CDH4: variants seen among roughly 807,000 people sequenced by gnomAD.
CDH4 encodes cadherin 4.
In CDH4, 33 loss-of-function variants were observed where a neutral mutation model predicts 86.0. The ratio of observed to expected loss-of-function variants is 0.38; its 90% CI spans 0.29 to 0.51. CDH4 has a LOEUF of 0.51. CDH4 is among the 20% of genes least tolerant of loss of function. The probability of loss-of-function intolerance (pLI) is 0.86; values close to 1 mark genes in which losing one functional copy is unlikely to be tolerated. For missense variants in CDH4, 1,114 were observed against 1,307.4 expected (o/e 0.85, Z 2.28); for synonymous variants, 555 against 549.4 (o/e 1.01, Z -0.14).
chr20:61,647,957 G>A (rs1464328341), intron 2 of CDH4, among the ~76,000 whole-genome samples: 1 of 152,208 alleles, frequency 6.6e-6, no homozygotes, highest in Non-Finnish European at 1.5e-5. Flanking sequence ...CCTGCCGAGT[G>A]AGTGGGGGAT....
chr20:61,416,177 T>C (rs2085146076), intron 2 of CDH4, among the ~76,000 whole-genome samples: 1 of 151,984 alleles, frequency 6.6e-6, no homozygotes, highest in South Asian at 2.1e-4. Context: ...AATTTTTGTA[T>C]CTTTAGTAGA....
chr20:61,547,677 A>G (rs2086098873), intron 2 of CDH4, among the ~76,000 whole-genome samples: 1 of 152,132 alleles, frequency 6.6e-6, no homozygotes, highest in Non-Finnish European at 1.5e-5. Flanking sequence ...TTGAAGTCAG[A>G]ATGTTCCCGA....
intron 4 of CDH4, among the ~76,000 whole-genome samples, chr20:61,796,692 G>GGCTC (rs1423120394): frequency 2.6e-5 from 4 of 152,328 alleles, no homozygotes; most frequent in African/African-American, 9.6e-5. Context: ...GCTGAGGTGA[G>GGCTC]GCTCCATGGT....
chr20:61,860,581 C>T (rs1018725287), intron 6 of CDH4, among the ~76,000 whole-genome samples: 1 of 152,096 alleles, frequency 6.6e-6, no homozygotes, highest in Non-Finnish European at 1.5e-5. Flanking sequence ...GTGCAGGATG[C>T]CCTGACAAGC....
intron 2 of CDH4, among the ~76,000 whole-genome samples, chr20:61,731,800 G>C (rs1459787374): frequency 6.6e-6 from 1 of 152,154 alleles, no homozygotes; most frequent in Non-Finnish European, 1.5e-5. Flanking sequence ...CACCACGGGG[G>C]TGCGGCTGTT....
intron 4 of CDH4, among the ~76,000 whole-genome samples, chr20:61,838,931 T>C (rs1982008106): frequency 6.6e-6 from 1 of 152,020 alleles, no homozygotes; most frequent in Non-Finnish European, 1.5e-5. Flanking sequence ...GTCCTGTGCC[T>C]TCGGGATGGG....
intron 2 of CDH4, among the ~76,000 whole-genome samples, chr20:61,625,473 T>C (rs780787319): frequency 1.9e-4 from 29 of 152,270 alleles, no homozygotes; most frequent in Non-Finnish European, 3.7e-4. Flanking sequence ...AAAGAGCGCA[T>C]GTGGGAGTCG....
intron 2 of CDH4, among the ~76,000 whole-genome samples, chr20:61,581,399 T>G (rs2145719140): frequency 6.6e-6 from 1 of 152,284 alleles, no homozygotes; most frequent in Non-Finnish European, 1.5e-5. Context: ...TGGAGGACCC[T>G]GGAGAATTCA....
At chr20:61,690,242 G>T (rs557728219) in intron 2 of CDH4, among the ~76,000 whole-genome samples, 1 of 152,316 alleles carries the variant, frequency 6.6e-6, no homozygotes, top group Non-Finnish European at 1.5e-5. Context: ...ATTGGGCGGG[G>T]ACAGTGGTTA....
chr20:61,544,818 C>T lies in CDH4; in HGVS notation c.170-198745C>T, dbSNP rs557367688. ...GCCCTCCCTGCCCCCGAGGAAGGAACCTTGTTCCTCGGTTATAAAACTTGA... is the reference window on the plus strand; with the variant it reads ...GCCCTCCCTGCCCCCGAGGAAGGAATCTTGTTCCTCGGTTATAAAACTTGA... On this transcript the variant is annotated intron_variant, in intron 2 of 15. Coordinates refer to ENST00000614565, the MANE Select transcript of CDH4 (RefSeq NM_001794.5). The surrounding 1 kb of genome is among the most constrained non-coding windows in gnomAD (Gnocchi z 6.5). 6.6e-6 allele frequency among the ~76,000 whole-genome samples: 1 copy of T among 152,186 alleles called. No homozygotes were observed. The highest frequency in any genetic ancestry group is 2.4e-5 in the African/African-American group (1 of 41,518).
At chr20:61,886,740 C>G (rs1984559034) in intron 7 of CDH4, among the ~76,000 whole-genome samples, 1 of 152,208 alleles carries the variant, frequency 6.6e-6, no homozygotes. Flanking sequence ...AGCCCCTGAC[C>G]TCAGGGAAGT....
chr20:61,624,849 G>A (rs529756196), intron 2 of CDH4, among the ~76,000 whole-genome samples: 6 of 152,300 alleles, frequency 3.9e-5, no homozygotes, highest in East Asian at 1.9e-4. Flanking sequence ...AGACCCGCTC[G>A]GAGAGCCCCT....
At chr20:61,342,768 T>G (rs2084655743) in intron 2 of CDH4, among the ~76,000 whole-genome samples, 1 of 152,238 alleles carries the variant, frequency 6.6e-6, no homozygotes, top group South Asian at 2.1e-4. Context: ...TCTGGAGATT[T>G]CCTTGACTTG....
At chr20:61,499,450 G>T (rs1379608527) in intron 2 of CDH4, 1 of 1,288,992 alleles carries the variant, frequency 7.8e-7, no homozygotes, top group African/African-American at 1.5e-5. Flanking sequence ...CGGCAGCTGT[G>T]ACTTCATTCT....
chr20:61,273,497 C>T (rs113478891), intron 2 of CDH4, among the ~76,000 whole-genome samples: 94 of 1,480 alleles, frequency 0.064, 1 homozygote, highest in Middle Eastern at 0.5. Flanking sequence ...GGGAGTACCA[C>T]GTGCAGTTTG....
At chr20:61,260,832 A>G (rs971311351) in intron 2 of CDH4, among the ~76,000 whole-genome samples, 2 of 152,176 alleles carry the variant, frequency 1.3e-5, no homozygotes, top group East Asian at 3.9e-4. Context: ...GTCTGGTCCC[A>G]GGGTTAAGAG....
chr20:61,323,213 A>C (rs2084518650), intron 2 of CDH4, among the ~76,000 whole-genome samples: 1 of 152,070 alleles, frequency 6.6e-6, no homozygotes, highest in Non-Finnish European at 1.5e-5. Flanking sequence ...CACCTAGAGG[A>C]CTTCTCTTCG....
intron 2 of CDH4, among the ~76,000 whole-genome samples, chr20:61,473,567 T>A (rs548778782): frequency 3.9e-5 from 6 of 152,326 alleles, no homozygotes; most frequent in South Asian, 2.1e-4. Flanking sequence ...AATAGAACCA[T>A]AATTTAACTC....
intron 3 of CDH4, among the ~76,000 whole-genome samples, chr20:61,744,349 G>GGAGAGGGAGGGAGAGGAA (rs1600939383): frequency 6.6e-6 from 1 of 151,062 alleles, no homozygotes; most frequent in Non-Finnish European, 1.5e-5. Flanking sequence ...AGACAGGAAA[G>GGAGAGGGAGGGAGAGGAA]GAGAGGGAGG....
Sources: gnomAD v4.1 joint callset for allele counts (sites outside exome capture counted in the v4.1 genomes callset) on GRCh38, gnomAD v4.1.1 for gene constraint, Gnocchi (gnomAD v3.1) non-coding constraint, MANE v1.5 for transcripts, NCBI Gene and HGNC (gene_info 2026-07-23, HGNC 2026-07-21) for gene names.